The following CFAP47 variants were observed in gnomAD, a reference collection of about 807,000 sequenced individuals.
CFAP47 encodes the protein cilia and flagella associated protein 47, also known as cilia- and flagella-associated protein 47.
A neutral mutation model predicts 148.1 loss-of-function variants in CFAP47; 29 were observed. That is an observed-to-expected ratio of 0.20 (90% CI 0.15 to 0.27). The LOEUF is 0.27. Ranked by LOEUF, CFAP47 falls within the 10% of genes least tolerant of loss-of-function variation. CFAP47 has a pLI of 1.00. For synonymous variants in CFAP47, 664 were observed against 577.3 expected, an observed-to-expected ratio of 1.15 and a Z score of -2.15; for missense variants, 1,872 against 1,697.5, an observed-to-expected ratio of 1.10 and a Z score of -1.81.
chrX:36,204,303 C>T (rs1402350135), intron 44 of CFAP47, among the ~76,000 whole-genome samples: 1 of 110,914 alleles, frequency 9.0e-6, no homozygotes, highest in East Asian at 2.8e-4. Context: ...GCTTGGAAAC[C>T]ATCATTCTCA....
At chrX:36,336,427 C>T (rs1334383226) in intron 57 of CFAP47, among the ~76,000 whole-genome samples, 6 of 111,305 alleles carry the variant, frequency 5.4e-5, no homozygotes, top group African/African-American at 2.0e-4. Context: ...TTCACCTCCT[C>T]ATTGTGTCTC....
At chrX:36,154,881 G>A (rs1315992780) in intron 37 of CFAP47, among the ~76,000 whole-genome samples, 2 of 108,820 alleles carry the variant, frequency 1.8e-5, no homozygotes, top group Non-Finnish European at 3.8e-5. Flanking sequence ...GACATTTTAG[G>A]TATTTGTTAC....
intron 8 of CFAP47, among the ~76,000 whole-genome samples, chrX:35,965,733 A>T (rs1035055961): frequency 9.0e-6 from 1 of 111,156 alleles, no homozygotes; most frequent in Admixed American, 9.6e-5. Flanking sequence ...ATCATGTGAG[A>T]CAAAACAAAT....
At chrX:36,092,191 A>G (rs927738989) in intron 30 of CFAP47, among the ~76,000 whole-genome samples, 5 of 111,705 alleles carry the variant, frequency 4.5e-5, no homozygotes, top group Non-Finnish European at 9.4e-5. Context: ...ATATAAATAA[A>G]TATTTACTGC....
chrX:36,105,033 T>A (rs1347473223), intron 33 of CFAP47, among the ~76,000 whole-genome samples: 1 of 111,782 alleles, frequency 8.9e-6, no homozygotes, highest in Non-Finnish European at 1.9e-5. Context: ...ACTTAGTATA[T>A]AACTAGTCGA....
At chrX:36,339,148 A>G (rs1941632371) in intron 57 of CFAP47, among the ~76,000 whole-genome samples, 1 of 112,306 alleles carries the variant, frequency 8.9e-6, no homozygotes, top group African/African-American at 3.2e-5. Context: ...ATTGCACAAA[A>G]TGGAATTATC....
At chrX:36,277,203 A>G (rs1474488138) in intron 49 of CFAP47, among the ~76,000 whole-genome samples, 2 of 112,734 alleles carry the variant, frequency 1.8e-5, no homozygotes, top group Non-Finnish European at 3.7e-5. Flanking sequence ...GTTATATTCC[A>G]TGTAAACATA....
At chrX:35,922,495 G>A (rs1285900768) in intron 1 of CFAP47, among the ~76,000 whole-genome samples, 1 of 112,702 alleles carries the variant, frequency 8.9e-6, no homozygotes, top group African/African-American at 3.2e-5. Context: ...TGGTTCTGAA[G>A]TATTGGTTTT....
intron 40 of CFAP47, among the ~76,000 whole-genome samples, chrX:36,186,894 T>C (rs1223716151): frequency 9.0e-6 from 1 of 111,035 alleles, no homozygotes; most frequent in East Asian, 2.8e-4. Context: ...CTTTTGATTC[T>C]ATTTTTTCCC....
chrX:36,352,184 A>G (rs1941748021), intron 59 of CFAP47, among the ~76,000 whole-genome samples: 1 of 111,068 alleles, frequency 9.0e-6, no homozygotes, highest in Admixed American at 9.6e-5. Flanking sequence ...TAATTTCCTA[A>G]GGACCTCTAG....
chrX:36,244,045 C>G (rs910236813), intron 48 of CFAP47, among the ~76,000 whole-genome samples: 21 of 111,303 alleles, frequency 1.9e-4, no homozygotes, highest in African/African-American at 6.5e-4. Context: ...ATTCTCAGAT[C>G]ACAGTGCAAT....
At chrX:36,383,384 C>A (rs1271776396) in intron 63 of CFAP47, among the ~76,000 whole-genome samples, 1 of 111,466 alleles carries the variant, frequency 9.0e-6, no homozygotes, top group Non-Finnish European at 1.9e-5. Flanking sequence ...GCACAGGGCC[C>A]TTCAGTAACT....
intron 49 of CFAP47, 48 bp from the exon 50 acceptor site, chrX:36,280,439 G>C: frequency 2.4e-6 from 1 of 421,994 alleles, no homozygotes; most frequent in South Asian, 4.2e-5. Context: ...TTTTGTTTCA[G>C]AAAACTAAAC....
At chrX:36,089,347 C>G (rs1422605377) in intron 30 of CFAP47, among the ~76,000 whole-genome samples, 1 of 108,951 alleles carries the variant, frequency 9.2e-6, no homozygotes, top group African/African-American at 3.4e-5. Flanking sequence ...CCAGCCTGGG[C>G]AACAAGAGCG....
rs1208425538 is a variant in CFAP47, at chrX:36,039,131, A to G, written c.3959A>G (p.Asp1320Gly). 5 of 1,101,407 alleles carry G rather than the reference A, an allele frequency of 4.5e-6. No homozygotes were observed. In the East Asian group the frequency reaches 1.0e-4, roughly 22 times the overall value. 90.8% of individuals were successfully genotyped at this position (1,101,407 alleles called of 1,213,427 possible). Residue 1320 changes from aspartate (D) to glycine (G), a missense_variant, in exon 25 of 64, where the codon GAT becomes GGT. Coordinates refer to ENST00000378653, the MANE Select transcript of CFAP47 (RefSeq NM_001304548.2). ...ATATTTTTCACTCCTGTTCCTTTGG[A>G]TATAACAACTGTAATGGATATCAAC... Reference protein sequence around the residue: ...PFIFFTPVPLDITTVMDINIL... With the variant: ...PFIFFTPVPLGITTVMDINIL...
intron 40 of CFAP47, among the ~76,000 whole-genome samples, chrX:36,185,592 A>G (rs1189909402): frequency 8.9e-6 from 1 of 112,195 alleles, no homozygotes; most frequent in East Asian, 2.8e-4. Context: ...AACACATAAG[A>G]TAAGATGTAA....
intron 19 of CFAP47, among the ~76,000 whole-genome samples, chrX:35,999,719 A>AAAGGGTG: frequency 8.9e-6 from 1 of 112,058 alleles, no homozygotes; most frequent in East Asian, 2.8e-4. Flanking sequence ...AGGGGCACCA[A>AAAGGGTG]AAGGGTGAAG....
At chrX:35,924,348 CAT>C (rs1222941316) in intron 1 of CFAP47, among the ~76,000 whole-genome samples, 4 of 103,824 alleles carry the variant, frequency 3.9e-5, no homozygotes, top group Non-Finnish European at 3.9e-5. Context: ...TATATGTGTG[CAT>C]ATGTGTATAT....
chrX:36,216,958 G>A (rs149563385), intron 45 of CFAP47, among the ~76,000 whole-genome samples: 1,300 of 104,491 alleles, frequency 0.012, 19 homozygotes, highest in African/African-American at 0.047. Context: ...TATTAGTTCC[G>A]TAAAGGCAGT....
Sources: gnomAD v4.1 joint callset for allele counts (sites outside exome capture counted in the v4.1 genomes callset) on GRCh38, gnomAD v4.1.1 for gene constraint, MANE v1.5 for transcripts, NCBI Gene and HGNC (gene_info 2026-07-23, HGNC 2026-07-21) for gene names.